Variants in XRCC5 observed in about 807,000 individuals in gnomAD.
XRCC5 encodes DNA repair protein Ku80.
In XRCC5, 12 loss-of-function variants were observed where a neutral mutation model predicts 95.7. The observed-to-expected ratio is 0.13, with a 90% CI of 0.08 to 0.20. XRCC5 has a LOEUF of 0.20. Among genes scored for constraint, XRCC5 ranks in the 10% least tolerant of loss-of-function variants. The probability of loss-of-function intolerance (pLI) is 1.00; values close to 1 mark genes in which losing one functional copy is unlikely to be tolerated. For synonymous variants in XRCC5, 281 were observed against 290.3 expected, an observed-to-expected ratio of 0.97 and a Z score of 0.33; for missense variants, 595 against 873.9, an observed-to-expected ratio of 0.68 and a Z score of 4.02.
At chr2:216,184,052 G>A (rs2106042126) in intron 16 of XRCC5, among the ~76,000 whole-genome samples, 1 of 148,920 alleles carries the variant, frequency 6.7e-6, no homozygotes, top group South Asian at 2.1e-4. Flanking sequence ...GTGTGTGTGT[G>A]TGTGTGTGTG....
chr2:216,122,258 G>T lies in XRCC5; in HGVS notation c.683+5G>T, dbSNP rs1249613267. ...GGATGAAATTTATTCATTCAGGTAA[G>T]AATTGAAAACATTGATGGGAATTTT... On this transcript the variant is annotated splice_donor_5th_base_variant and intron_variant, in intron 6 of 20. Transcript: ENST00000392132. The T allele has an allele frequency of 6.3e-7, 1 of 1,594,510 alleles. No individual in the cohort carries two copies. Among genetic ancestry groups the T allele is most frequent in the East Asian group, 2.2e-5 (1 of 44,622 alleles).
intron 16 of XRCC5, among the ~76,000 whole-genome samples, chr2:216,164,322 G>A (rs1431328659): frequency 6.6e-6 from 1 of 152,200 alleles, no homozygotes. Context: ...TCTTTTCAGG[G>A]ACTGAATCTA....
Position 216,170,363 on chromosome 2 carries a change from A to G in XRCC5, c.1834+8315A>G, listed in dbSNP as rs776987384. ...TTTTTATATTAAAAATGGAAAGAAT[A>G]ATTTCCCATCTGGCTGAAAATGGAA... On this transcript the variant is annotated intron_variant, in intron 16 of 20. Coordinates refer to ENST00000392132, the MANE Select transcript of XRCC5 (RefSeq NM_021141.4). 1.6e-4 allele frequency among the ~76,000 whole-genome samples: 25 copies of G among 152,180 alleles called. 1 individual carries two copies. Among genetic ancestry groups the G allele is most frequent in the Non-Finnish European group, 2.8e-4 (19 of 68,028 alleles).
At chr2:216,181,245 A>T in intron 16 of XRCC5, among the ~76,000 whole-genome samples, 1 of 152,018 alleles carries the variant, frequency 6.6e-6, no homozygotes, top group Admixed American at 6.6e-5. Context: ...GGCTTTCATT[A>T]TTTTATCATT....
intron 16 of XRCC5, among the ~76,000 whole-genome samples, chr2:216,179,693 G>A (rs552384496): frequency 6.6e-6 from 1 of 152,172 alleles, no homozygotes; most frequent in African/African-American, 2.4e-5. Context: ...AGGGAGGTCC[G>A]TGTGACTGGA....
intron 17 of XRCC5, among the ~76,000 whole-genome samples, 160 bp downstream of exon 17, chr2:216,190,494 T>A (rs1189772682): frequency 6.6e-6 from 1 of 152,202 alleles, no homozygotes; most frequent in African/African-American, 2.4e-5. Flanking sequence ...CTTAAATTCA[T>A]GTTACTATCA....
intron 1 of XRCC5, chr2:216,110,628 A>G (rs1477657422): frequency 6.6e-6 from 1 of 152,202 alleles, no homozygotes; most frequent in Non-Finnish European, 1.5e-5. Flanking sequence ...AGGAACTCAG[A>G]AATATAGACC....
chr2:216,126,574 C>G (rs1290933586), intron 7 of XRCC5, among the ~76,000 whole-genome samples: 2 of 152,180 alleles, frequency 1.3e-5, no homozygotes, highest in African/African-American at 4.8e-5. Flanking sequence ...TGATGAAATT[C>G]TAGTTTGAGT....
intron 16 of XRCC5, among the ~76,000 whole-genome samples, chr2:216,165,880 G>C (rs186792719): frequency 4.3e-4 from 65 of 152,232 alleles, no homozygotes; most frequent in Non-Finnish European, 7.9e-4. Context: ...TGAGAGTCTT[G>C]TGATTCTGTC....
At position 216,138,077 on chromosome 2, in the gene XRCC5, C is replaced by G. The variant is rs1320791825; in HGVS notation, c.1252-12C>G. 6.3e-7 allele frequency: 1 copy of G among 1,593,132 alleles called. No homozygotes were observed. ...CATCGTTTCTGCTTTTACCCCCTTTCTTTCTCATTAGTGTTTAGTGTATGT... is the reference window on the plus strand; with the variant it reads ...CATCGTTTCTGCTTTTACCCCCTTTGTTTCTCATTAGTGTTTAGTGTATGT... On this transcript the variant is annotated splice_polypyrimidine_tract_variant and intron_variant, in intron 11 of 20. Transcript: ENST00000392132.
At chr2:216,128,447 G>C (rs1696929992) in intron 8 of XRCC5, among the ~76,000 whole-genome samples, 6 of 152,146 alleles carry the variant, frequency 3.9e-5, no homozygotes. Context: ...TTTAAAGGTG[G>C]TGGTGGTTAT....
chr2:216,205,231 G>A lies in XRCC5; in HGVS notation c.*29G>A, dbSNP rs1027863505. 5 of 1,613,910 alleles carry A rather than the reference G, an allele frequency of 3.1e-6. No individual in the cohort carries two copies. In the African/African-American group the frequency reaches 4.0e-5, roughly 13 times the overall value. ...GTGGATGTATGGGGAATCTAAGAGA[G>A]CTGCCATCGCTGTGATGCTGGGAGT... On this transcript the variant is annotated 3_prime_UTR_variant, in exon 21 of 21. Transcript: ENST00000392132.
rs1221276555 is a variant in XRCC5 at position 216,141,258 on chromosome 2, C to G, written c.1415C>G (p.Thr472Ser). The part of the protein sequence containing the change: ...SLAKKDEKTD[T>S]LEDLFPTTKI... ...GCAAAGAAAGATGAGAAGACAGACACCCTTGAAGACTTGTTTCCAACCACC... is the reference window on the plus strand; with the variant it reads ...GCAAAGAAAGATGAGAAGACAGACAGCCTTGAAGACTTGTTTCCAACCACC... Residue 472 changes from threonine to serine, a missense_variant, in exon 13 of 21, where the codon ACC becomes AGC. Coordinates refer to ENST00000392132, the MANE Select transcript of XRCC5 (RefSeq NM_021141.4). 6.2e-7 allele frequency: 1 copy of G among 1,614,098 alleles called. No homozygotes were observed. Among genetic ancestry groups the G allele is most frequent in the Admixed American group, 1.7e-5 (1 of 60,016 alleles).
chr2:216,128,818 C>G (rs1696935028), intron 8 of XRCC5, among the ~76,000 whole-genome samples: 1 of 152,158 alleles, frequency 6.6e-6, no homozygotes, highest in East Asian at 1.9e-4. Context: ...AAAGCAGGCA[C>G]TCTTTGTTAT....
At chr2:216,115,789 C>A (rs2106000177) in intron 2 of XRCC5, among the ~76,000 whole-genome samples, 1 of 150,086 alleles carries the variant, frequency 6.7e-6, no homozygotes, top group Admixed American at 6.6e-5. Flanking sequence ...GCTGTAAATC[C>A]TAATGTTTCA....
chr2:216,142,182 T>G (rs952783215), intron 13 of XRCC5, among the ~76,000 whole-genome samples: 2 of 152,210 alleles, frequency 1.3e-5, no homozygotes, highest in Admixed American at 1.3e-4. Flanking sequence ...TTTTTCAGGC[T>G]TTTCTCCTGT....
intron 10 of XRCC5, among the ~76,000 whole-genome samples, chr2:216,136,697 T>C (rs1697086831): frequency 6.6e-6 from 1 of 152,068 alleles, no homozygotes; most frequent in African/African-American, 2.4e-5. Flanking sequence ...TGAAGAATAA[T>C]AATGCACTAA....
At chr2:216,168,842 TGATA>T (rs1390618208) in intron 16 of XRCC5, among the ~76,000 whole-genome samples, 1 of 152,238 alleles carries the variant, frequency 6.6e-6, no homozygotes, top group African/African-American at 2.4e-5. Flanking sequence ...CCCATTCTAC[TGATA>T]GATAAACTAA....
chr2:216,115,156 C>T (rs924421145), intron 2 of XRCC5, among the ~76,000 whole-genome samples: 17 of 135,894 alleles, frequency 1.3e-4, no homozygotes, highest in Middle Eastern at 3.8e-3. Flanking sequence ...TTAAACCTTG[C>T]TTATGTCTGT....
Sources: gnomAD v4.1 joint callset for allele counts (sites outside exome capture counted in the v4.1 genomes callset) on GRCh38, gnomAD v4.1.1 for gene constraint, MANE v1.5 for transcripts, NCBI Gene and HGNC (gene_info 2026-07-23, HGNC 2026-07-21) for gene names.